NCAPG2: variants seen among roughly 807,000 people sequenced by gnomAD.
The protein encoded by NCAPG2 is non-SMC condensin II complex subunit G2, also known as condensin-2 complex subunit G2.
A neutral mutation model predicts 141.1 loss-of-function variants in NCAPG2; 53 were observed. The observed-to-expected ratio is 0.38, with a 90% CI of 0.30 to 0.47. The LOEUF (loss-of-function observed/expected upper bound fraction) is 0.47. NCAPG2 is among the 20% of genes least tolerant of loss of function. The pLI is 0.99. For synonymous variants in NCAPG2, 499 were observed against 490.7 expected, an observed-to-expected ratio of 1.02 and a Z score of -0.22; for missense variants, 1,087 against 1,389.0, an observed-to-expected ratio of 0.78 and a Z score of 3.46.
intron 6 of NCAPG2, among the ~76,000 whole-genome samples, chr7:158,689,082 C>T (rs534717623): frequency 2.0e-5 from 3 of 152,122 alleles, no homozygotes; most frequent in African/African-American, 7.2e-5. Context: ...GCAGAAGGCC[C>T]CTAACACAGA....
chr7:158,696,625 T>C (rs966061387), intron 2 of NCAPG2: 3 of 152,250 alleles, frequency 2.0e-5, no homozygotes, highest in Non-Finnish European at 2.9e-5. Flanking sequence ...AACCTGGACG[T>C]AGGGTATTCA....
Position 158,656,388 on chromosome 7 carries a change from G to A in NCAPG2, c.2260C>T (p.Pro754Ser). ...KGRVQIHDTR[P>S]VKPELALVYI... Reference sequence around the variant, plus strand: ...ACCAATGCCAATTCAGGTTTGACTGGGCGTGTGTCATGGATCTGCACCCTA... The same window carrying A: ...ACCAATGCCAATTCAGGTTTGACTGAGCGTGTGTCATGGATCTGCACCCTA... The change falls in exon 19 of 28, where the codon CCA (proline) becomes TCA (serine). Residue 754 changes from proline to serine, a missense_variant. By Grantham distance (74) the Pro-to-Ser change is moderately conservative. Coordinates refer to ENST00000356309, the MANE Select transcript of NCAPG2 (RefSeq NM_017760.7). The A allele has an allele frequency of 6.2e-7, 1 of 1,614,152 alleles. No homozygotes were observed. The highest frequency in any genetic ancestry group is 8.5e-7 in the Non-Finnish European group (1 of 1,180,028).
rs376467082 is a variant in NCAPG2, at chr7:158,689,027, C to T, written c.672+792G>A. On this transcript the variant is annotated intron_variant, in intron 6 of 27. Coordinates refer to ENST00000356309, the MANE Select transcript of NCAPG2 (RefSeq NM_017760.7). Reference sequence around the variant, plus strand: ...CAAATGCAAAAGCTTGTTCTAGTCTCCCCTGGCACTGCCTGAGCATGTAGT... The same window carrying T: ...CAAATGCAAAAGCTTGTTCTAGTCTTCCCTGGCACTGCCTGAGCATGTAGT... Among the ~76,000 whole-genome samples, 28 of 152,300 alleles carry T rather than the reference C, an allele frequency of 1.8e-4. No individual in the cohort carries two copies. The East Asian group carries it at 2.1e-3, about 12-fold the overall frequency.
At chr7:158,648,885 C>T (rs76850543) in intron 24 of NCAPG2, among the ~76,000 whole-genome samples, 1,789 of 41,548 alleles carry the variant, frequency 0.043, 48 homozygotes, top group Non-Finnish European at 0.069. Flanking sequence ...ACTATAACCA[C>T]GGCAAATGGA....
At chr7:158,632,792 AT>A (rs911555149) in intron 27 of NCAPG2, among the ~76,000 whole-genome samples, 6 of 152,148 alleles carry the variant, frequency 3.9e-5, no homozygotes, top group Non-Finnish European at 8.8e-5. Context: ...TTTAAGCAAA[AT>A]TCATCTTAAT....
chr7:158,672,284 GTGTGTGTGTATATATATA>G lies in NCAPG2; in HGVS notation c.1327-636_1327-619del, dbSNP rs1307478832. ...TATACGGTATTCCAAACACATGTGT[GTGTGTGTGTATATATATA>G]TATATATATATATATATATATATAT... On this transcript the variant is annotated intron_variant, in intron 12 of 27. Coordinates refer to ENST00000356309, the MANE Select transcript of NCAPG2 (RefSeq NM_017760.7). Among the ~76,000 whole-genome samples the G allele has an allele frequency of 2.4e-3, 169 of 70,736 alleles. 4 individuals are homozygous for G. The highest frequency in any genetic ancestry group is 9.7e-3 in the African/African-American group (152 of 15,736). The allele number at this position is 70,736 out of a possible 152,430, so 46.4% of individuals were successfully genotyped here. A position where few individuals can be genotyped will look rare whatever the true frequency, so the allele number is the denominator to read the frequency against.
rs1342853081 is a variant in NCAPG2, at chr7:158,633,369, G to A, written c.3381-1652C>T. ...AGACTGTCCTTTCGGGGTTACAGTT[G>A]ACTCTTCTTCAAAGACTCTTATTAC... On this transcript the variant is annotated intron_variant, in intron 27 of 27. Coordinates refer to ENST00000356309, the MANE Select transcript of NCAPG2 (RefSeq NM_017760.7). The surrounding 1 kb of genome is among the most constrained non-coding windows in gnomAD (Gnocchi z 4.1). 6.6e-6 allele frequency among the ~76,000 whole-genome samples: 1 copy of A among 152,186 alleles called. No homozygotes were observed. The highest frequency in any genetic ancestry group is 1.9e-4 in the East Asian group (1 of 5,194).
intron 2 of NCAPG2, among the ~76,000 whole-genome samples, chr7:158,697,361 G>A (rs984727067): frequency 3.3e-5 from 5 of 152,204 alleles, no homozygotes; most frequent in Non-Finnish European, 2.9e-5. Context: ...CAGCACTTTG[G>A]GAGGCCAAGG....
At chr7:158,647,267 T>C (rs1831093672) in intron 24 of NCAPG2, among the ~76,000 whole-genome samples, 1 of 152,208 alleles carries the variant, frequency 6.6e-6, no homozygotes, top group Non-Finnish European at 1.5e-5. Flanking sequence ...TGGGAGGCTG[T>C]GCTAGGTGCT....
At chr7:158,669,937 G>A (rs1019392110) in intron 13 of NCAPG2, among the ~76,000 whole-genome samples, 6 of 151,918 alleles carry the variant, frequency 3.9e-5, no homozygotes, top group African/African-American at 9.7e-5. Flanking sequence ...CACCTCACCC[G>A]GCTGTTACTC....
At chr7:158,634,540 C>T (rs776863128) in intron 27 of NCAPG2, among the ~76,000 whole-genome samples, 4 of 152,126 alleles carry the variant, frequency 2.6e-5, no homozygotes, top group Admixed American at 6.5e-5. Context: ...CCCATGGATA[C>T]GGAGGGCCAA....
At chr7:158,679,830 T>C in intron 11 of NCAPG2, 130 bp downstream of exon 11, 1 of 1,260,686 alleles carries the variant, frequency 7.9e-7, no homozygotes, top group Admixed American at 2.3e-5. Flanking sequence ...CAGTCCAGGT[T>C]TAGAAACCAT....
chr7:158,650,074 G>A (rs973929517), intron 24 of NCAPG2, among the ~76,000 whole-genome samples: 30 of 151,976 alleles, frequency 2.0e-4, no homozygotes, highest in African/African-American at 7.0e-4. Context: ...TTTTCTTTGA[G>A]ACGGAGTCTC....
chr7:158,660,413 TTTTTTTTTTTTTTTTTA>T (rs1259934350), intron 16 of NCAPG2, among the ~76,000 whole-genome samples: 7 of 127,222 alleles, frequency 5.5e-5, no homozygotes, highest in African/African-American at 1.9e-4. Context: ...TTTTTTTTTT[TTTTTTTTTTTTTTTTTA>T]AAAGAGGCAG....
At chr7:158,655,600 C>T in intron 19 of NCAPG2, 145 bp from the exon 20 acceptor site, 1 of 355,934 alleles carries the variant, frequency 2.8e-6, no homozygotes, top group East Asian at 6.3e-5. Context: ...GCTGACTCTG[C>T]ACCCGGACAT....
At chr7:158,638,139 T>C (rs926684001) in intron 27 of NCAPG2, among the ~76,000 whole-genome samples, 1 of 152,138 alleles carries the variant, frequency 6.6e-6, no homozygotes, top group African/African-American at 2.4e-5. Context: ...GGGAGACTCT[T>C]GTCTCAAAAA....
At chr7:158,658,474 T>C (rs1832200559) in intron 16 of NCAPG2, 66 bp from the exon 17 acceptor site, 1 of 1,385,816 alleles carries the variant, frequency 7.2e-7, no homozygotes, top group Non-Finnish European at 9.7e-7. Flanking sequence ...AAAGTCTCTC[T>C]ACGTAAATTC....
At chr7:158,661,588 G>A (rs987953964) in intron 16 of NCAPG2, among the ~76,000 whole-genome samples, 5 of 152,120 alleles carry the variant, frequency 3.3e-5, no homozygotes, top group South Asian at 4.1e-4. Flanking sequence ...GAAAATCACC[G>A]CGAGCAGATT....
chr7:158,678,827 G>A (rs1440933034), intron 11 of NCAPG2, among the ~76,000 whole-genome samples: 2 of 150,866 alleles, frequency 1.3e-5, no homozygotes, highest in Admixed American at 1.3e-4. Flanking sequence ...GCTTGAAGAA[G>A]TATACAGATA....
Sources: allele counts gnomAD v4.1 joint callset (sites outside exome capture counted in the v4.1 genomes callset), GRCh38; gene constraint gnomAD v4.1.1; non-coding constraint Gnocchi (gnomAD v3.1); transcripts MANE v1.5; gene names NCBI Gene and HGNC (gene_info 2026-07-23, HGNC 2026-07-21).